Variants in FASN observed in about 807,000 individuals in gnomAD.
FASN encodes 3-hydroxyacyl-[acyl-carrier-protein] dehydratase.
FASN carries 50 observed loss-of-function variants against 250.0 expected under a neutral mutation model. The observed-to-expected ratio is 0.20, with a 90% CI of 0.16 to 0.25. FASN has a LOEUF of 0.25. Ranked by LOEUF, FASN falls within the 10% of genes least tolerant of loss-of-function variation. The probability of loss-of-function intolerance (pLI) is 1.00; values close to 1 mark genes in which losing one functional copy is unlikely to be tolerated. For synonymous variants in FASN, 1,909 were observed against 1,584.0 expected (o/e 1.21, Z -4.87); for missense variants, 3,031 against 3,498.5 (o/e 0.87, Z 3.37).
intron 22 of FASN, 132 bp from the exon 23 acceptor site, chr17:82,086,003 G>T: frequency 8.0e-7 from 1 of 1,248,664 alleles, no homozygotes; most frequent in Non-Finnish European, 1.1e-6. Context: ...TGCCAGCCAT[G>T]GGCACGCATG....
chr17:82,079,621 G>A lies in FASN; in HGVS notation c.7147-13C>T. 6.3e-7 allele frequency: 1 copy of A among 1,598,310 alleles called. No individual in the cohort carries two copies. The highest frequency in any genetic ancestry group is 8.5e-7 in the Non-Finnish European group (1 of 1,179,566). On this transcript the variant is annotated splice_polypyrimidine_tract_variant and intron_variant, in intron 41 of 42. Transcript: ENST00000306749. ...GCGCCTCCAGCACCTGTGGGGTCGGGCTCTGAGCAGGTGCTGGCAGCACCC... is the reference window on the plus strand; with the variant it reads ...GCGCCTCCAGCACCTGTGGGGTCGGACTCTGAGCAGGTGCTGGCAGCACCC...
rs200618103 is a variant in FASN, at chr17:82,093,631, C to T, written c.421G>A (p.Ala141Thr). The T allele has an allele frequency of 6.2e-7, 1 of 1,612,796 alleles. No homozygotes were observed. The highest frequency in any genetic ancestry group is 2.2e-5 in the East Asian group (1 of 44,884). The part of the protein sequence containing the change: ...SMVGCQRAMM[A>T]NRLSFFFDFR... Reference sequence around the variant, plus strand: ...TCGAAGAAGAAGGAGAGCCGGTTGGCCATCATCGCTCGCTGGCAGCCCACC... The same window carrying T: ...TCGAAGAAGAAGGAGAGCCGGTTGGTCATCATCGCTCGCTGGCAGCCCACC... Residue 141 changes from alanine (A) to threonine (T), a missense_variant, in exon 4 of 43, where the codon GCC becomes ACC. Coordinates refer to ENST00000306749, the MANE Select transcript of FASN (RefSeq NM_004104.5).
Position 82,091,082 on chromosome 17 carries a change from G to A in FASN, c.1493-13C>T. On this transcript the variant is annotated splice_polypyrimidine_tract_variant and intron_variant, in intron 9 of 42. Transcript: ENST00000306749. ...TGTGTGCCCATCCCTGTCCCAGAGA[G>A]CACGTCACGAGGCTCAGCCCCATCC... 4.3e-6 allele frequency: 7 copies of A among 1,609,514 alleles called. No individual in the cohort carries two copies. Among genetic ancestry groups the A allele is most frequent in the East Asian group, 4.5e-5 (2 of 44,846 alleles).
chr17:82,091,625 G>T lies in FASN; in HGVS notation c.1089C>A (p.Asn363Lys). 6.3e-7 allele frequency: 1 copy of T among 1,597,186 alleles called. No individual in the cohort carries two copies. The highest frequency in any genetic ancestry group is 8.5e-7 in the Non-Finnish European group (1 of 1,173,626). ...WAPNLHFHSP[N>K]PEIPALLDGR... Reference sequence around the variant, plus strand: ...CATCCAACAGCGCTGGGATCTCAGGGTTGGGGCTATGGAAGTGCAGGTTGG... The same window carrying T: ...CATCCAACAGCGCTGGGATCTCAGGTTTGGGGCTATGGAAGTGCAGGTTGG... The change falls in exon 9 of 43, where the codon AAC becomes AAA. Residue 363 changes from asparagine (N) to lysine (K), a missense_variant. Coordinates refer to ENST00000306749, the MANE Select transcript of FASN (RefSeq NM_004104.5).
In FASN at chr17:82,086,424, G is replaced by C. The variant is rs1298882310; in HGVS notation, c.3562C>G (p.Leu1188Val). The change falls in exon 22 of 43, where the codon CTT becomes GTT. Residue 1188 changes from leucine (L) to valine (V), a missense_variant. By Grantham distance (32) the Leu-to-Val change is conservative. Coordinates refer to ENST00000306749, the MANE Select transcript of FASN (RefSeq NM_004104.5). ...AGCTGCAGGTTCCCGTTGAGCTGAAGCCTGCAGGCAGCCGACAACAGCCGG... is the reference window on the plus strand; with the variant it reads ...AGCTGCAGGTTCCCGTTGAGCTGAACCCTGCAGGCAGCCGACAACAGCCGG... ...LPRLLSAACR[L>V]QLNGNLQLEL... 1 of 1,611,650 alleles carries C rather than the reference G, an allele frequency of 6.2e-7. No homozygotes were observed. The highest frequency in any genetic ancestry group is 1.7e-5 in the Admixed American group (1 of 60,006).
chr17:82,091,732 C>T (rs780701020), intron 8 of FASN, 48 bp from the exon 9 acceptor site: 9 of 1,493,912 alleles, frequency 6.0e-6, no homozygotes, highest in Non-Finnish European at 8.1e-6. Flanking sequence ...CCCTCTACCA[C>T]TGCCTGAGCT....
At position 82,082,633 on chromosome 17, in the gene FASN, T is replaced by C. The variant is rs2144783878; in HGVS notation, c.5813A>G (p.Gln1938Arg). 3 of 1,610,796 alleles carry C rather than the reference T, an allele frequency of 1.9e-6. No homozygotes were observed. Among genetic ancestry groups the C allele is most frequent in the South Asian group, 1.1e-5 (1 of 91,088 alleles). ...QVRRWRRQGV[Q>R]VQVSTSNISS... ...GATGTTGCTGGTGGACACCTGCACC[T>C]GTACGCCCTGGCGCCTCCACCGGCG... Residue 1938 changes from glutamine to arginine, a missense_variant, in exon 34 of 43, where the codon CAG becomes CGG. Gln to Arg is a conservative substitution (Grantham distance 43, BLOSUM62 1). Coordinates refer to ENST00000306749, the MANE Select transcript of FASN (RefSeq NM_004104.5).
At position 82,078,371 on chromosome 17, in the gene FASN, G is replaced by A. The variant is rs1327169991; in HGVS notation, c.*772C>T. 3.3e-5 allele frequency: 5 copies of A among 152,358 alleles called. No homozygotes were observed. The highest frequency in any genetic ancestry group is 2.4e-5 in the African/African-American group (1 of 41,456). The allele number at this position is 152,358 out of a possible 1,614,324, so 9.4% of individuals were successfully genotyped here. A position where few individuals can be genotyped will look rare whatever the true frequency, so the allele number is the denominator to read the frequency against. ...ACATGCGGTTTAATTGTGGGAGGCT[G>A]AGAGCAGCATTTTTACCAAATTGGT... On this transcript the variant is annotated 3_prime_UTR_variant, in exon 43 of 43. Transcript: ENST00000306749. The surrounding 1 kb of genome is among the most constrained non-coding windows in gnomAD (Gnocchi z 5.4).
In FASN at chr17:82,083,388, C is replaced by T. The variant is rs1305426266; in HGVS notation, c.5379G>A (p.Gly1793=). Residue 1793 remains glycine (G), a synonymous_variant, in exon 32 of 43, where the codon GGG becomes GGA. Coordinates refer to ENST00000306749, the MANE Select transcript of FASN (RefSeq NM_004104.5). Reference sequence around the variant, plus strand: ...CGTTGAAGAACGCATCCAGTAGGACCCCGTGGAATGTCACGTTCTTCAGGA... The same window carrying T: ...CGTTGAAGAACGCATCCAGTAGGACTCCGTGGAATGTCACGTTCTTCAGGA... ...AIFLKNVTFH[G]VLLDAFFNES... is the part of the protein sequence containing the mutation. 1.2e-6 allele frequency: 2 copies of T among 1,612,810 alleles called. No homozygotes were observed. Among genetic ancestry groups the T allele is most frequent in the South Asian group, 1.1e-5 (1 of 91,086 alleles).
chr17:82,080,027 G>A (rs2033959171), intron 41 of FASN, 113 bp downstream of exon 41: 1 of 1,170,200 alleles, frequency 8.5e-7, no homozygotes, highest in East Asian at 2.4e-5. Flanking sequence ...TATTAAAGGG[G>A]TGAAGTTGGG....
At position 82,093,343 on chromosome 17, in the gene FASN, G is replaced by C. The variant is rs772218434; in HGVS notation, c.531C>G (p.Ser177Arg). The C allele has an allele frequency of 6.2e-7, 1 of 1,602,784 alleles. No homozygotes were observed. Among genetic ancestry groups the C allele is most frequent in the Non-Finnish European group, 8.5e-7 (1 of 1,176,246 alleles). Residue 177 changes from serine (S) to arginine (R), a missense_variant, in exon 5 of 43, where the codon AGC becomes AGG. Transcript: ENST00000306749. ...ALQNAYQAIH[S>R]GQCPAAIVGG... ...CCACGATGGCGGCAGGGCACTGCCC[G>C]CTGTGGATGGCCTGGTAGGCGTTCT...
At chr17:82,081,001 G>T in intron 38 of FASN, 79 bp from the exon 39 acceptor site, 2 of 1,425,010 alleles carry the variant, frequency 1.4e-6, no homozygotes, top group East Asian at 2.5e-5. Context: ...AGACACGCAC[G>T]CAGGTCCCCA....
intron 2 of FASN, among the ~76,000 whole-genome samples, chr17:82,095,994 T>C (rs1323559174): frequency 6.6e-6 from 1 of 152,238 alleles, no homozygotes; most frequent in Non-Finnish European, 1.5e-5. Flanking sequence ...TCCTCTGAGC[T>C]TGGCTCCTCC....
At chr17:82,083,931 CG>C (rs767769695) in intron 29 of FASN, 40 bp from the exon 30 acceptor site, 55 of 1,549,476 alleles carry the variant, frequency 3.5e-5, no homozygotes, top group Admixed American at 9.8e-5. Context: ...GCCAGGGCGG[CG>C]GGGCCAGGAG....
At chr17:82,088,933 G>A (rs760298301) in intron 14 of FASN, 36 bp downstream of exon 14, 1 of 1,608,542 alleles carries the variant, frequency 6.2e-7, no homozygotes, top group Admixed American at 1.7e-5. Flanking sequence ...GCCCATCCCA[G>A]GCTCCCGGCG....
intron 10 of FASN, 120 bp from the exon 11 acceptor site, chr17:82,090,684 G>A: frequency 9.0e-7 from 1 of 1,109,944 alleles, no homozygotes; most frequent in South Asian, 1.3e-5. Flanking sequence ...CAGGTCTCCT[G>A]ATAGGAAAGA....
intron 33 of FASN, 79 bp from the exon 34 acceptor site, chr17:82,082,757 G>A (rs1041423199): frequency 6.3e-7 from 1 of 1,576,034 alleles, no homozygotes; most frequent in Non-Finnish European, 8.6e-7. Flanking sequence ...GAAGTGGGGA[G>A]CAGCCGCAGA....
In FASN at chr17:82,087,188, G is replaced by C; in HGVS notation, c.3289C>G (p.Leu1097Val). The C allele has an allele frequency of 6.2e-7, 1 of 1,607,952 alleles. No individual in the cohort carries two copies. The highest frequency in any genetic ancestry group is 8.5e-7 in the Non-Finnish European group (1 of 1,178,514). ...CGCCGCGGGGCCGACTCAGTGTGGA[G>C]CCCGGAGATGTGGACGCCTCCGGCC... Reference protein sequence around the residue: ...TVAGGVHISGLHTESAPRRQQ... With the variant: ...TVAGGVHISGVHTESAPRRQQ... The change falls in exon 21 of 43, where the codon CTC (leucine) becomes GTC (valine). Residue 1097 changes from leucine to valine, a missense_variant. Transcript: ENST00000306749.
At chr17:82,079,684 CTTTT>C in intron 41 of FASN, 76 bp from the exon 42 acceptor site, 2 of 1,230,696 alleles carry the variant, frequency 1.6e-6, no homozygotes, top group South Asian at 1.5e-5. Context: ...TGCGGGTGGG[CTTTT>C]TTTTTTTGAG....
Sources: allele counts gnomAD v4.1 joint callset (sites outside exome capture counted in the v4.1 genomes callset), GRCh38; gene constraint gnomAD v4.1.1; non-coding constraint Gnocchi (gnomAD v3.1); transcripts MANE v1.5; gene names NCBI Gene and HGNC (gene_info 2026-07-23, HGNC 2026-07-21).